The following CTNND2 variants were observed in gnomAD, a reference collection of about 807,000 sequenced individuals.
The protein encoded by CTNND2 is catenin delta 2, also known as catenin delta-2.
Under a neutral mutation model 144.4 loss-of-function variants are expected in CTNND2, and 22 were observed. That is an observed-to-expected ratio of 0.15 (90% confidence interval 0.11 to 0.22). The LOEUF (loss-of-function observed/expected upper bound fraction) is 0.22. CTNND2 is among the 10% of genes least tolerant of loss of function. The pLI is 1.00. For synonymous variants in CTNND2, 751 were observed against 695.6 expected, an observed-to-expected ratio of 1.08 and a Z score of -1.25; for missense variants, 1,353 against 1,618.8, an observed-to-expected ratio of 0.84 and a Z score of 2.82.
rs182259099 is a variant in CTNND2, at chr5:11,180,990, A to G, written c.1975+18458T>C. ...GCCCGGAGGTTCTGGGGAAGAACCA[A>G]GTCTGTGCACTTGAGGTCTGGGATG... On this transcript the variant is annotated intron_variant, in intron 11 of 21. Transcript: ENST00000304623. 2.0e-5 allele frequency among the ~76,000 whole-genome samples: 3 copies of G among 152,288 alleles called. No homozygotes were observed. The East Asian group carries it at 5.8e-4, about 29-fold the overall frequency.
intron 1 of CTNND2, among the ~76,000 whole-genome samples, chr5:11,841,494 A>G (rs553010612): frequency 6.6e-6 from 1 of 152,302 alleles, no homozygotes; most frequent in Non-Finnish European, 1.5e-5. Context: ...ATGGGAGAAA[A>G]CTGTTAAAAC....
chr5:11,553,138 A>G lies in CTNND2; in HGVS notation c.287+11806T>C, dbSNP rs1039493885. ...ATTTATTATGCATTCCCTATTATAC[A>G]TATGTTATTATTGCACTATCACTCT... On this transcript the variant is annotated intron_variant, in intron 3 of 21. Transcript: ENST00000304623. 2.0e-5 allele frequency among the ~76,000 whole-genome samples: 3 copies of G among 152,170 alleles called. No individual in the cohort carries two copies. In the East Asian group the frequency reaches 5.8e-4, roughly 29 times the overall value.
chr5:11,204,330 G>A (rs26462), intron 10 of CTNND2, among the ~76,000 whole-genome samples: 4,960 of 152,114 alleles, frequency 0.033, 277 homozygotes, highest in African/African-American at 0.11. Context: ...AATAAAAATG[G>A]TTTTCATACC....
intron 9 of CTNND2, among the ~76,000 whole-genome samples, chr5:11,338,525 C>T (rs111298324): frequency 2.9e-4 from 44 of 152,290 alleles, no homozygotes; most frequent in African/African-American, 9.6e-4. Context: ...TTTCCACCAT[C>T]GCAAAGGATG....
At chr5:11,320,767 C>T (rs1751953055) in intron 9 of CTNND2, among the ~76,000 whole-genome samples, 1 of 152,138 alleles carries the variant, frequency 6.6e-6, no homozygotes, top group Admixed American at 6.5e-5. Context: ...CGGATCCCTC[C>T]CACAACACGT....
At chr5:11,136,272 G>A (rs776787746) in intron 12 of CTNND2, among the ~76,000 whole-genome samples, 2 of 152,072 alleles carry the variant, frequency 1.3e-5, no homozygotes, top group Non-Finnish European at 2.9e-5. Flanking sequence ...AGCCTTTTTA[G>A]CTTGTTTTTT....
intron 9 of CTNND2, among the ~76,000 whole-genome samples, chr5:11,261,995 CTTAG>C (rs1446542437): frequency 1.4e-4 from 21 of 152,196 alleles, no homozygotes; most frequent in African/African-American, 7.2e-5. Flanking sequence ...ATATCTACGC[CTTAG>C]TTATTTATTT....
intron 9 of CTNND2, among the ~76,000 whole-genome samples, chr5:11,291,080 C>A (rs541773109): frequency 6.6e-6 from 1 of 151,982 alleles, no homozygotes; most frequent in Non-Finnish European, 1.5e-5. Flanking sequence ...CAAGGAATTG[C>A]GGGTCTCCTG....
chr5:11,375,171 C>T (rs1207130635), intron 7 of CTNND2, among the ~76,000 whole-genome samples: 1 of 152,106 alleles, frequency 6.6e-6, no homozygotes, highest in Non-Finnish European at 1.5e-5. Context: ...AGACATTTAG[C>T]TTCTAAAATA....
intron 12 of CTNND2, among the ~76,000 whole-genome samples, chr5:11,139,053 G>A (rs756944409): frequency 1.1e-4 from 16 of 151,800 alleles, no homozygotes; most frequent in South Asian, 2.1e-4. Flanking sequence ...CTCTGCCTCC[G>A]GGATTCAAGT....
Position 11,404,602 on chromosome 5 carries a change from C to CTTTTTTTTTTTTT in CTNND2, c.439+6921_439+6933dup, listed in dbSNP as rs555388304. On this transcript the variant is annotated intron_variant, in intron 5 of 21. Transcript: ENST00000304623. ...ATCAGTATCTGTCAGTATCTGTATT[C>CTTTTTTTTTTTTT]TTTTTTTTTTTTTTTTTTTTTTTTT... is the stretch of plus-strand genomic sequence containing the variant. Among the ~76,000 whole-genome samples the CTTTTTTTTTTTTT allele has an allele frequency of 4.5e-4, 26 of 57,382 alleles. 3 individuals carry two copies. Among genetic ancestry groups the CTTTTTTTTTTTTT allele is most frequent in the Admixed American group, 6.5e-4 (2 of 3,090 alleles). 37.6% of individuals were successfully genotyped at this position (57,382 alleles called of 152,430 possible).
At chr5:11,351,771 C>T (rs1418102846) in intron 8 of CTNND2, among the ~76,000 whole-genome samples, 2 of 152,044 alleles carry the variant, frequency 1.3e-5, no homozygotes, top group Non-Finnish European at 2.9e-5. Context: ...TTAAGTATAT[C>T]TGCATATACA....
intron 2 of CTNND2, among the ~76,000 whole-genome samples, chr5:11,667,382 A>T (rs538162368): frequency 6.6e-6 from 1 of 152,200 alleles, no homozygotes; most frequent in African/African-American, 2.4e-5. Flanking sequence ...CACTCCCAAC[A>T]ACAGTGTAAA....
intron 8 of CTNND2, among the ~76,000 whole-genome samples, chr5:11,353,121 G>T (rs981595189): frequency 9.4e-5 from 14 of 149,496 alleles, no homozygotes; most frequent in African/African-American, 3.2e-4. Context: ...AATGGGAAAG[G>T]ATAAAAATAA....
intron 9 of CTNND2, among the ~76,000 whole-genome samples, chr5:11,284,332 C>T (rs1198704694): frequency 6.6e-6 from 1 of 151,992 alleles, no homozygotes; most frequent in Non-Finnish European, 1.5e-5. Flanking sequence ...TAAATGTGTG[C>T]CATGGTGGTT....
In CTNND2 at chr5:11,847,128, TTATATATATATATATATATA is replaced by T. The variant is rs56978156; in HGVS notation, c.37+56669_37+56688del. On this transcript the variant is annotated intron_variant, in intron 1 of 21. Transcript: ENST00000304623. ...AAATAAAATCAGTATGTCAAAGATT[TTATATATATATATATATATA>T]TATATATATATATATATATATATAT... Among the ~76,000 whole-genome samples, 555 of 72,404 alleles carry T rather than the reference TTATATATATATATATATATA, an allele frequency of 7.7e-3. 10 individuals carry two copies. Among genetic ancestry groups the T allele is most frequent in the African/African-American group, 0.035 (493 of 13,990 alleles). The allele number at this position is 72,404 out of a possible 152,430, so 47.5% of individuals were successfully genotyped here. A position where few individuals can be genotyped will look rare whatever the true frequency, so the allele number is the denominator to read the frequency against.
intron 2 of CTNND2, among the ~76,000 whole-genome samples, chr5:11,707,672 A>C (rs191452901): frequency 1.3e-3 from 198 of 152,300 alleles, no homozygotes; most frequent in African/African-American, 4.3e-3. Flanking sequence ...TTTTAGAGTA[A>C]ACCAAAATAT....
intron 16 of CTNND2, among the ~76,000 whole-genome samples, chr5:11,064,889 G>A (rs1747389744): frequency 6.6e-6 from 1 of 152,192 alleles, no homozygotes; most frequent in Non-Finnish European, 1.5e-5. Flanking sequence ...TTTAGGCAGT[G>A]GTGATTTGTT....
chr5:11,344,603 G>A (rs901941151), intron 9 of CTNND2, among the ~76,000 whole-genome samples: 2 of 151,896 alleles, frequency 1.3e-5, no homozygotes, highest in African/African-American at 4.8e-5. Flanking sequence ...CTGAGCTCAG[G>A]ATGAACTTAT....
Sources: allele counts gnomAD v4.1 joint callset (sites outside exome capture counted in the v4.1 genomes callset), GRCh38; gene constraint gnomAD v4.1.1; transcripts MANE v1.5; gene names NCBI Gene and HGNC (gene_info 2026-07-23, HGNC 2026-07-21).